The following DCAF12 variants were observed in gnomAD, a reference collection of about 807,000 sequenced individuals.
DCAF12 encodes the protein DDB1- and CUL4-associated factor 12.
DCAF12 carries 28 observed loss-of-function variants against 52.8 expected under a neutral mutation model. The observed-to-expected ratio is 0.53, with a 90% CI of 0.39 to 0.73. The LOEUF (loss-of-function observed/expected upper bound fraction) is 0.73, where lower values mean the gene tolerates loss of function less well. DCAF12 is among the 30% of genes least tolerant of loss of function. The pLI is 0.00. For synonymous variants in DCAF12, 196 were observed against 215.5 expected, an observed-to-expected ratio of 0.91 and a Z score of 0.79; for missense variants, 425 against 552.2, an observed-to-expected ratio of 0.77 and a Z score of 2.31.
rs1187543665 is a variant in DCAF12 at position 34,126,546 on chromosome 9, G to C, written c.-115C>G. On this transcript the variant is annotated 5_prime_UTR_variant, in exon 1 of 9. Coordinates refer to ENST00000361264, the MANE Select transcript of DCAF12 (RefSeq NM_015397.4). Reference sequence around the variant, plus strand: ...CCGCGCACCTTAGTGCGCCCGGCCCGGAAAATGGCCCGGACCCGGAGCGGC... The same window carrying C: ...CCGCGCACCTTAGTGCGCCCGGCCCCGAAAATGGCCCGGACCCGGAGCGGC... The C allele has an allele frequency of 1.7e-6, 2 of 1,180,868 alleles. No individual in the cohort carries two copies. The highest frequency in any genetic ancestry group is 1.6e-5 in the African/African-American group (1 of 63,548). The allele number at this position is 1,180,868 out of a possible 1,614,324, so 73.1% of individuals were successfully genotyped here.
chr9:34,092,175 C>T (rs1828654777), intron 7 of DCAF12, among the ~76,000 whole-genome samples: 1 of 152,140 alleles, frequency 6.6e-6, no homozygotes, highest in African/African-American at 2.4e-5. Flanking sequence ...TGAGGTTTGT[C>T]ATACAATATA....
chr9:34,099,867 C>T (rs554350790), intron 4 of DCAF12, among the ~76,000 whole-genome samples: 4 of 152,322 alleles, frequency 2.6e-5, no homozygotes, highest in South Asian at 4.1e-4. Context: ...GCTGGGATTA[C>T]AGGCATAAGC....
In DCAF12 at chr9:34,121,670, C is replaced by T. The variant is rs753566624; in HGVS notation, c.333+3353G>A. ...TTCAAGAGCCCTCTTTTCGGCCAGG[C>T]GCGGTGGCTCATGCCTGTAATCCCA... is the stretch of plus-strand genomic sequence containing the variant. On this transcript the variant is annotated intron_variant, in intron 2 of 8. Transcript: ENST00000361264. 5.9e-5 allele frequency among the ~76,000 whole-genome samples: 9 copies of T among 152,118 alleles called. No homozygotes were observed. The East Asian group carries it at 7.7e-4, about 13-fold the overall frequency.
Position 34,112,157 on chromosome 9 carries a change from G to A in DCAF12, c.334-4592C>T, listed in dbSNP as rs1330566407. 7.6e-4 allele frequency among the ~76,000 whole-genome samples: 111 copies of A among 146,528 alleles called. No homozygotes were observed. In the East Asian group the frequency reaches 0.021, roughly 28 times the overall value. ...GACTCCAACTCAAAAAAAAAAAAAA[G>A]ACAGGAAACATGGACATCCTTGGTT... On this transcript the variant is annotated intron_variant, in intron 2 of 8. Transcript: ENST00000361264.
In DCAF12 at chr9:34,093,426, T is replaced by C; in HGVS notation, c.884A>G (p.Tyr295Cys). 1 of 1,614,086 alleles carries C rather than the reference T, an allele frequency of 6.2e-7. No individual in the cohort carries two copies. ...LSKLLSTKLP[Y>C]CRENVCLAYG... ...AGCCAGACACACATTCTCACGGCAA[T>C]ATGGCAGTTTGGTGGAGAGGAGCTG... is the stretch of plus-strand genomic sequence containing the variant. Residue 295 changes from tyrosine to cysteine, a missense_variant, in exon 7 of 9, where the codon TAT (tyrosine) becomes TGT (cysteine). Physicochemically the swap from Tyr to Cys is radical, Grantham distance 194. This residue lies in a region of DCAF12 where 328 missense variants were observed against 444.4 expected (regional missense o/e 0.74). Transcript: ENST00000361264.
intron 5 of DCAF12, among the ~76,000 whole-genome samples, chr9:34,097,931 C>T (rs1396728994): frequency 7.4e-6 from 1 of 136,024 alleles, no homozygotes; most frequent in Non-Finnish European, 1.6e-5. Flanking sequence ...AAAACACAGT[C>T]TCAAAAAGAA....
intron 1 of DCAF12, chr9:34,125,544 T>C: frequency 5.3e-6 from 3 of 571,080 alleles, no homozygotes; most frequent in South Asian, 4.6e-5. Flanking sequence ...GACTAAAAGG[T>C]TTACTAGACA....
intron 2 of DCAF12, chr9:34,109,574 G>C (rs61167233): frequency 0.21 from 31,988 of 153,224 alleles, 3,533 homozygotes; most frequent in Middle Eastern, 0.28. Context: ...AGCCACAGAG[G>C]GGGGTCCCAC....
At chr9:34,108,812 AAT>A (rs59340595) in intron 2 of DCAF12, among the ~76,000 whole-genome samples, 6,733 of 139,278 alleles carry the variant, frequency 0.048, 305 homozygotes, top group Non-Finnish European at 0.064. Flanking sequence ...TAAATAAATA[AAT>A]ATATATATAT....
rs773311518 is a variant in DCAF12 at position 34,126,468 on chromosome 9, G to A, written c.-37C>T. On this transcript the variant is annotated 5_prime_UTR_variant, in exon 1 of 9. Transcript: ENST00000361264. ...CCGCCGCGGCCCCGCAGCCACATGG[G>A]GCGGGGGAAGCGAAGGATAGCAGGA... 14 of 1,592,888 alleles carry A rather than the reference G, an allele frequency of 8.8e-6. No individual in the cohort carries two copies. Among genetic ancestry groups the A allele is most frequent in the Non-Finnish European group, 1.0e-5 (12 of 1,175,336 alleles).
At chr9:34,120,454 T>G (rs769373472) in intron 2 of DCAF12, among the ~76,000 whole-genome samples, 1 of 151,570 alleles carries the variant, frequency 6.6e-6, no homozygotes, top group East Asian at 2.0e-4. Flanking sequence ...GCAGATTACA[T>G]GAGGTCAGGC....
intron 3 of DCAF12, 52 bp from the exon 4 acceptor site, chr9:34,106,546 A>C: frequency 2.8e-6 from 4 of 1,443,196 alleles, no homozygotes; most frequent in Non-Finnish European, 2.9e-6. Flanking sequence ...AAATTAGTAA[A>C]ATAAGGATTG....
Position 34,098,490 on chromosome 9 carries a change from C to T in DCAF12, c.629G>A (p.Trp210Ter). The T allele has an allele frequency of 6.2e-7, 1 of 1,613,968 alleles. No homozygotes were observed. Among genetic ancestry groups the T allele is most frequent in the Non-Finnish European group, 8.5e-7 (1 of 1,179,982 alleles). Residue 210 changes from tryptophan to a stop codon, truncating the protein, a stop_gained, in exon 5 of 9, where the codon TGG becomes TAG. Transcript: ENST00000361264. LOFTEE classifies it high-confidence loss of function. ...GGTCAAAACATCATCTGTCACCTCC[C>T]AGAGTCCCATAGAACCATCACGTGA... ...SGSRDGSMGLWEVTDDVLTKS... is the reference protein window; with the variant it reads ...SGSRDGSMGL
At chr9:34,101,726 C>T (rs531330589) in intron 4 of DCAF12, among the ~76,000 whole-genome samples, 3 of 152,008 alleles carry the variant, frequency 2.0e-5, no homozygotes, top group South Asian at 2.1e-4. Flanking sequence ...TGTTCTAGAC[C>T]GTTCTTTATT....
chr9:34,111,599 T>TGTA (rs1829004509), intron 2 of DCAF12, among the ~76,000 whole-genome samples: 2 of 152,212 alleles, frequency 1.3e-5, no homozygotes, highest in Admixed American at 1.3e-4. Context: ...GCCCAACTAC[T>TGTA]GTAGTAGGCC....
intron 2 of DCAF12, among the ~76,000 whole-genome samples, chr9:34,119,944 T>A (rs988788301): frequency 1.3e-5 from 2 of 151,936 alleles, no homozygotes; most frequent in Non-Finnish European, 2.9e-5. Flanking sequence ...TGGGCTCAAG[T>A]GATCTTCCTG....
chr9:34,089,611 A>C (rs944168902), intron 7 of DCAF12, 21 bp from the exon 8 acceptor site: 1 of 1,584,456 alleles, frequency 6.3e-7, no homozygotes, highest in African/African-American at 1.4e-5. Flanking sequence ...GAAAAGTAAA[A>C]GGCAGTGAGG....
In DCAF12 at chr9:34,114,114, A is replaced by AC. The variant is rs1829049013; in HGVS notation, c.334-6550_334-6549insG. Among the ~76,000 whole-genome samples the AC allele has an allele frequency of 3.3e-5, 5 of 152,124 alleles. No individual in the cohort carries two copies. The South Asian group carries it at 1.0e-3, about 32-fold the overall frequency. Reference sequence around the variant, plus strand: ...CAGGGCAAATACTCCGTCTCAAAAAAAAAAATGTGGCACAGATACACAATG... The same window carrying AC: ...CAGGGCAAATACTCCGTCTCAAAAAACAAAAATGTGGCACAGATACACAATG... On this transcript the variant is annotated intron_variant, in intron 2 of 8. Coordinates refer to ENST00000361264, the MANE Select transcript of DCAF12 (RefSeq NM_015397.4).
intron 2 of DCAF12, among the ~76,000 whole-genome samples, chr9:34,113,741 T>A (rs1829041995): frequency 6.6e-6 from 1 of 152,214 alleles, no homozygotes; most frequent in African/African-American, 2.4e-5. Flanking sequence ...TTTGCATGTT[T>A]ACTGCAGCAT....
Sources: gnomAD v4.1 joint callset for allele counts (sites outside exome capture counted in the v4.1 genomes callset) on GRCh38, gnomAD v4.1.1 for gene constraint, gnomAD v4.1.1 regional missense constraint, MANE v1.5 for transcripts, NCBI Gene and HGNC (gene_info 2026-07-23, HGNC 2026-07-21) for gene names.